PHLPP1: variants seen among roughly 807,000 people sequenced by gnomAD.
PHLPP1 encodes PH domain and leucine rich repeat protein phosphatase 1.
In PHLPP1, 42 loss-of-function variants were observed where a neutral mutation model predicts 117.2. The observed-to-expected ratio is 0.36, with a 90% CI of 0.28 to 0.46. PHLPP1 has a LOEUF of 0.46. Among genes scored for constraint, PHLPP1 ranks in the 20% least tolerant of loss-of-function variants. The pLI, the probability that PHLPP1 is intolerant of heterozygous loss-of-function variation, is 1.00. For synonymous variants in PHLPP1, 1,042 were observed against 970.7 expected, an observed-to-expected ratio of 1.07 and a Z score of -1.37; for missense variants, 2,084 against 2,241.9, an observed-to-expected ratio of 0.93 and a Z score of 1.42.
At chr18:62,952,691 A>G (rs971666256) in intron 12 of PHLPP1, among the ~76,000 whole-genome samples, 4 of 152,194 alleles carry the variant, frequency 2.6e-5, no homozygotes, top group African/African-American at 9.6e-5. Context: ...CAGTGGTGCA[A>G]TCATAACTCA....
intron 10 of PHLPP1, 135 bp downstream of exon 10, chr18:62,920,249 C>T (rs1599121251): frequency 2.3e-6 from 2 of 886,724 alleles, no homozygotes; most frequent in Non-Finnish European, 3.4e-6. Flanking sequence ...AATAGTTTTG[C>T]CAGCCACTTT....
intron 3 of PHLPP1, among the ~76,000 whole-genome samples, chr18:62,842,484 C>T (rs1322326823): frequency 1.3e-5 from 2 of 152,062 alleles, no homozygotes; most frequent in East Asian, 1.9e-4. Flanking sequence ...ACCTCAGCCT[C>T]CTGAGTAGCT....
chr18:62,939,382 A>T (rs1227923634), intron 10 of PHLPP1, among the ~76,000 whole-genome samples: 1 of 152,178 alleles, frequency 6.6e-6, no homozygotes, highest in Non-Finnish European at 1.5e-5. Flanking sequence ...TATTTCTTAC[A>T]TTGTAATTTA....
At chr18:62,782,233 G>T (rs1404767554) in intron 1 of PHLPP1, among the ~76,000 whole-genome samples, 1 of 152,254 alleles carries the variant, frequency 6.6e-6, no homozygotes, top group Non-Finnish European at 1.5e-5. Context: ...GAGTCTGCCT[G>T]TGCAGGTGTC....
chr18:62,845,037 C>T (rs1275276019), intron 3 of PHLPP1, among the ~76,000 whole-genome samples: 1 of 152,120 alleles, frequency 6.6e-6, no homozygotes, highest in Non-Finnish European at 1.5e-5. Context: ...AACATTGTCC[C>T]AGTTCTCTTG....
Position 62,872,940 on chromosome 18 carries a change from C to G in PHLPP1, c.2066+12339C>G, listed in dbSNP as rs150205214. Among the ~76,000 whole-genome samples, 695 of 137,642 alleles carry G rather than the reference C, an allele frequency of 5.0e-3. 9 individuals carry two copies. The highest frequency in any genetic ancestry group is 0.019 in the African/African-American group (665 of 34,414). 90.3% of individuals were successfully genotyped at this position (137,642 alleles called of 152,430 possible). A position where few individuals can be genotyped will look rare whatever the true frequency, so the allele number is the denominator to read the frequency against. ...AGGCGGAGGTTGCAGTGAGCCGAGA[C>G]TGAGCCACTGCATTCCAGCCTGGGC... On this transcript the variant is annotated intron_variant, in intron 4 of 16. Transcript: ENST00000262719.
chr18:62,809,994 A>G (rs1914064525), intron 1 of PHLPP1, among the ~76,000 whole-genome samples: 1 of 152,226 alleles, frequency 6.6e-6, no homozygotes, highest in South Asian at 2.1e-4. Context: ...AGATTGTGAT[A>G]GTCTGCAGGG....
chr18:62,935,259 A>G (rs116017519), intron 10 of PHLPP1, among the ~76,000 whole-genome samples: 166 of 152,326 alleles, frequency 1.1e-3, no homozygotes, highest in African/African-American at 3.6e-3. Context: ...GACATATTAT[A>G]TTGGTAGTGA....
chr18:62,745,058 T>C (rs986392539), intron 1 of PHLPP1, among the ~76,000 whole-genome samples: 7 of 152,206 alleles, frequency 4.6e-5, no homozygotes, highest in Non-Finnish European at 8.8e-5. Context: ...AAACCTGGCA[T>C]TTGGATATCA....
intron 7 of PHLPP1, among the ~76,000 whole-genome samples, chr18:62,904,926 G>T (rs977270484): frequency 1.3e-5 from 2 of 152,202 alleles, no homozygotes; most frequent in Non-Finnish European, 2.9e-5. Context: ...GATGGTACTC[G>T]TGGTTAATCT....
chr18:62,850,880 A>G (rs1226824353), intron 3 of PHLPP1, among the ~76,000 whole-genome samples: 2 of 152,208 alleles, frequency 1.3e-5, no homozygotes, highest in African/African-American at 4.8e-5. Flanking sequence ...GCCTGTGAAT[A>G]CGTGGCTCAT....
intron 1 of PHLPP1, among the ~76,000 whole-genome samples, chr18:62,737,325 A>G (rs148129138): frequency 5.9e-4 from 90 of 152,256 alleles, no homozygotes; most frequent in Non-Finnish European, 8.2e-4. Flanking sequence ...GATGAGACTA[A>G]AAGAGAGGTT....
At chr18:62,844,320 C>T (rs547687215) in intron 3 of PHLPP1, among the ~76,000 whole-genome samples, 14 of 152,150 alleles carry the variant, frequency 9.2e-5, no homozygotes, top group Admixed American at 9.2e-4. Context: ...GCCTGGGCGA[C>T]AGAGCAAGAT....
chr18:62,928,216 T>A (rs779277586), intron 10 of PHLPP1, among the ~76,000 whole-genome samples: 10 of 152,026 alleles, frequency 6.6e-5, no homozygotes, highest in Non-Finnish European at 1.0e-4. Context: ...TGATCAAAAT[T>A]TAAAACTTGT....
rs1910751788 is a variant in PHLPP1, at chr18:62,716,689, T to C, written c.1006T>C (p.Ser336Pro). 1.4e-6 allele frequency: 2 copies of C among 1,469,628 alleles called. No individual in the cohort carries two copies. The highest frequency in any genetic ancestry group is 5.8e-5 in the East Asian group (2 of 34,614). 91.0% of individuals were successfully genotyped at this position (1,469,628 alleles called of 1,614,324 possible). The stretch of plus-strand genomic sequence containing the variant: ...GCCGTTCGTTGGGGGCCCTGTCTCT[T>C]CGCCCCGCGCCCCACGGCCTGTGGT... ...GEPFVGGPVS[S>P]PRAPRPVVSD... Residue 336 changes from serine to proline, a missense_variant, in exon 1 of 17, where the codon TCG (serine) becomes CCG (proline). Coordinates refer to ENST00000262719, the MANE Select transcript of PHLPP1 (RefSeq NM_194449.4). This position sits in a 1 kb window ranked among gnomAD's most constrained non-coding sequence, Gnocchi z 5.7.
intron 1 of PHLPP1, among the ~76,000 whole-genome samples, chr18:62,753,483 A>G (rs1163367145): frequency 6.6e-6 from 1 of 152,220 alleles, no homozygotes; most frequent in Non-Finnish European, 1.5e-5. Flanking sequence ...TTGCACAGGC[A>G]CTTTGCATGC....
intron 1 of PHLPP1, among the ~76,000 whole-genome samples, chr18:62,819,291 T>C (rs1178411306): frequency 6.6e-6 from 1 of 152,242 alleles, no homozygotes; most frequent in Non-Finnish European, 1.5e-5. Context: ...CTACTTATGG[T>C]GTTCATGAAG....
chr18:62,826,358 A>G lies in PHLPP1; in HGVS notation c.1577-3677A>G, dbSNP rs373080759. On this transcript the variant is annotated intron_variant, in intron 1 of 16. Transcript: ENST00000262719. ...TATTTTAGATTTATGGTCACAAAAT[A>G]TAAGCATCTATTTGTGGTTGCGGAA... 1,154 of 321,618 alleles carry G rather than the reference A, an allele frequency of 3.6e-3. 33 individuals are homozygous for G. The highest frequency in any genetic ancestry group is 0.029 in the South Asian group (1,125 of 38,418). The allele number at this position is 321,618 out of a possible 1,614,324, so 19.9% of individuals were successfully genotyped here. A position where few individuals can be genotyped will look rare whatever the true frequency, so the allele number is the denominator to read the frequency against.
chr18:62,972,589 C>A lies in PHLPP1; in HGVS notation c.3636C>A (p.Asp1212Glu), dbSNP rs749916875. 1 of 1,613,744 alleles carries A rather than the reference C, an allele frequency of 6.2e-7. No homozygotes were observed. Among genetic ancestry groups the A allele is most frequent in the Admixed American group, 1.7e-5 (1 of 59,998 alleles). ...REALYGVFDG[D>E]RNVEVPYLLQ... ...CCCTGTATGGTGTGTTTGACGGAGA[C>A]CGGAATGTGGAGGTGCCCTACCTTC... The change falls in exon 15 of 17, where the codon GAC becomes GAA. Residue 1212 changes from aspartate (D) to glutamate (E), a missense_variant. Coordinates refer to ENST00000262719, the MANE Select transcript of PHLPP1 (RefSeq NM_194449.4).
Sources: allele counts gnomAD v4.1 joint callset (sites outside exome capture counted in the v4.1 genomes callset), GRCh38; gene constraint gnomAD v4.1.1; non-coding constraint Gnocchi (gnomAD v3.1); transcripts MANE v1.5; gene names NCBI Gene and HGNC (gene_info 2026-07-23, HGNC 2026-07-21).